Variants in GRM1 observed in about 807,000 individuals in gnomAD.
GRM1 encodes the protein metabotropic glutamate receptor 1.
In GRM1, 33 loss-of-function variants were observed where a neutral mutation model predicts 90.9. The observed-to-expected ratio is 0.36, with a 90% CI of 0.28 to 0.49. The LOEUF is 0.49. GRM1 is among the 20% of genes least tolerant of loss of function. The pLI, the probability that GRM1 is intolerant of heterozygous loss-of-function variation, is 0.99. For missense variants in GRM1, 1,190 were observed against 1,534.3 expected (o/e 0.78, Z 3.75); for synonymous variants, 700 against 613.2 (o/e 1.14, Z -2.09).
At chr6:146,346,538 C>G (rs1785196900) in intron 3 of GRM1, among the ~76,000 whole-genome samples, 1 of 151,944 alleles carries the variant, frequency 6.6e-6, no homozygotes, top group African/African-American at 2.4e-5. Context: ...ATTCCCAGGT[C>G]CTAGACTTGG....
intron 2 of GRM1, among the ~76,000 whole-genome samples, chr6:146,193,879 G>A (rs533653894): frequency 1.3e-5 from 2 of 151,878 alleles, no homozygotes; most frequent in African/African-American, 2.4e-5. Flanking sequence ...TTTCTCTGGG[G>A]TACATACCTA....
chr6:146,203,452 TGAGG>T (rs1225767884), intron 2 of GRM1, among the ~76,000 whole-genome samples: 1 of 152,128 alleles, frequency 6.6e-6, no homozygotes, highest in Non-Finnish European at 1.5e-5. Context: ...GCATGCAAAG[TGAGG>T]CACATCTCTT....
intron 1 of GRM1, among the ~76,000 whole-genome samples, chr6:146,148,522 TA>T (rs1777198625): frequency 6.6e-6 from 1 of 152,152 alleles, no homozygotes; most frequent in Admixed American, 6.5e-5. Context: ...TTGCATGCAT[TA>T]TTTTTATAAA....
At chr6:146,313,952 T>TAA (rs1465847726) in intron 3 of GRM1, among the ~76,000 whole-genome samples, 1 of 149,982 alleles carries the variant, frequency 6.7e-6, no homozygotes, top group African/African-American at 2.4e-5. Flanking sequence ...TGAATTTTTA[T>TAA]AAAAGAGTAC....
intron 2 of GRM1, among the ~76,000 whole-genome samples, chr6:146,186,829 C>A (rs1778751719): frequency 6.6e-6 from 1 of 152,154 alleles, no homozygotes; most frequent in South Asian, 2.1e-4. Flanking sequence ...CACTATGTGT[C>A]CATTGGGCTA....
chr6:146,161,663 G>A (rs1178316512), intron 2 of GRM1, among the ~76,000 whole-genome samples: 1 of 152,134 alleles, frequency 6.6e-6, no homozygotes, highest in African/African-American at 2.4e-5. Flanking sequence ...CTGATGCATG[G>A]AATCATTGAG....
intron 3 of GRM1, among the ~76,000 whole-genome samples, chr6:146,328,308 A>G (rs1174329955): frequency 6.6e-6 from 1 of 152,176 alleles, no homozygotes; most frequent in Admixed American, 6.5e-5. Flanking sequence ...ACACACACAT[A>G]TACACACTGA....
At chr6:146,333,968 G>A (rs1194787898) in intron 3 of GRM1, among the ~76,000 whole-genome samples, 1 of 152,152 alleles carries the variant, frequency 6.6e-6, no homozygotes, top group African/African-American at 2.4e-5. Context: ...AATAAAGGAA[G>A]TCCTACCCTG....
chr6:146,038,734 T>G (rs559216372), intron 1 of GRM1, among the ~76,000 whole-genome samples: 35 of 152,092 alleles, frequency 2.3e-4, no homozygotes, highest in Admixed American at 1.6e-3. Flanking sequence ...CAGCTATTGT[T>G]AAACAATCAG....
intron 2 of GRM1, among the ~76,000 whole-genome samples, chr6:146,273,105 C>T (rs1371523399): frequency 6.6e-6 from 1 of 152,200 alleles, no homozygotes; most frequent in East Asian, 1.9e-4. Context: ...TAAGTGTCTA[C>T]ATAAGAAGAT....
intron 1 of GRM1, among the ~76,000 whole-genome samples, chr6:146,051,283 C>T (rs940203125): frequency 6.6e-6 from 1 of 152,032 alleles, no homozygotes; most frequent in Non-Finnish European, 1.5e-5. Flanking sequence ...AATACATAAA[C>T]ATACACACAT....
intron 1 of GRM1, among the ~76,000 whole-genome samples, chr6:146,039,040 C>A (rs141780545): frequency 0.01 from 1,569 of 152,036 alleles, 24 homozygotes; most frequent in African/African-American, 0.035. Context: ...ATTCCTATCT[C>A]AATTTTTATG....
intron 1 of GRM1, among the ~76,000 whole-genome samples, chr6:146,062,492 CAATAA>C (rs55760038): frequency 0.87 from 127,075 of 145,604 alleles, 56,964 homozygotes; most frequent in East Asian, 0.98. Context: ...TAAAGTATAA[CAATAA>C]AATAAAATAA....
chr6:146,397,484 G>GAAAAAAAAAAAAAAA (rs577471775), intron 6 of GRM1, among the ~76,000 whole-genome samples: 19 of 44,960 alleles, frequency 4.2e-4, no homozygotes, highest in Middle Eastern at 0.012. Context: ...AAAAAAAAAA[G>GAAAAAAAAAAAAAAA]AAAAAAAAAA....
intron 1 of GRM1, among the ~76,000 whole-genome samples, chr6:146,045,495 A>G (rs1791291764): frequency 6.6e-6 from 1 of 151,946 alleles, no homozygotes; most frequent in Non-Finnish European, 1.5e-5. Flanking sequence ...ACATTTGTTC[A>G]ATTGAATTAA....
At chr6:146,032,636 G>C (rs1028885811) in intron 1 of GRM1, among the ~76,000 whole-genome samples, 2 of 152,160 alleles carry the variant, frequency 1.3e-5, no homozygotes, top group African/African-American at 2.4e-5. Flanking sequence ...GGTTGTCTCT[G>C]TCGTCTGAGC....
rs755592976 is a variant in GRM1 at position 146,434,429 on chromosome 6, A to G, written c.3218A>G (p.Gln1073Arg). 6.2e-7 allele frequency: 1 copy of G among 1,613,404 alleles called. No homozygotes were observed. The highest frequency in any genetic ancestry group is 8.5e-7 in the Non-Finnish European group (1 of 1,179,578). Residue 1073 changes from glutamine (Q) to arginine (R), a missense_variant, in exon 8 of 8, where the codon CAG (glutamine) becomes CGG (arginine). Gln to Arg is a conservative substitution (Grantham distance 43, BLOSUM62 1). Transcript: ENST00000282753. Reference protein sequence around the residue: ...RSLYPPPPPPQHLQMLPLQLS... With the variant: ...RSLYPPPPPPRHLQMLPLQLS... ...CTGTACCCGCCCCCGCCACCTCCGC[A>G]GCACCTGCAGATGCTGCCGCTGCAG...
chr6:146,097,917 A>G (rs1005277117), intron 1 of GRM1, among the ~76,000 whole-genome samples: 17 of 152,348 alleles, frequency 1.1e-4, no homozygotes, highest in African/African-American at 4.1e-4. Flanking sequence ...TAGTTATTTC[A>G]TATTGATCTA....
chr6:146,389,714 T>G (rs1029885766), intron 6 of GRM1, among the ~76,000 whole-genome samples: 4 of 152,136 alleles, frequency 2.6e-5, no homozygotes, highest in Non-Finnish European at 5.9e-5. Flanking sequence ...GACCATGCCC[T>G]TAGCTAATAA....
Sources: gnomAD v4.1 joint callset for allele counts (sites outside exome capture counted in the v4.1 genomes callset) on GRCh38, gnomAD v4.1.1 for gene constraint, MANE v1.5 for transcripts, NCBI Gene and HGNC (gene_info 2026-07-23, HGNC 2026-07-21) for gene names.